The following S100B variants were observed in gnomAD, a reference collection of about 807,000 sequenced individuals.
The protein encoded by S100B is protein S100-B.
A neutral mutation model predicts 7.7 loss-of-function variants in S100B; 6 were observed. The ratio of observed to expected loss-of-function variants is 0.78; its 90% CI spans 0.43 to 1.54. The LOEUF (loss-of-function observed/expected upper bound fraction) is 1.54, where lower values mean the gene tolerates loss of function less well. Ranked by LOEUF, S100B falls within the 40% of genes most tolerant of loss-of-function variation. The pLI is 0.01. For synonymous variants in S100B, 36 were observed against 40.4 expected, an observed-to-expected ratio of 0.89 and a Z score of 0.41; for missense variants, 99 against 111.8, an observed-to-expected ratio of 0.89 and a Z score of 0.52.
chr21:46,599,558 T>C, intron 2 of S100B, 55 bp from the exon 3 acceptor site: 1 of 1,515,116 alleles, frequency 6.6e-7, no homozygotes, highest in South Asian at 1.1e-5. Flanking sequence ...TTTTGGACCA[T>C]CAAAACATGA....
chr21:46,601,218 G>A (rs548065049), intron 2 of S100B, among the ~76,000 whole-genome samples: 21 of 152,246 alleles, frequency 1.4e-4, no homozygotes, highest in Admixed American at 3.3e-4. Context: ...GCAGCTCCCC[G>A]TCCCCATGCA....
intron 1 of S100B, among the ~76,000 whole-genome samples, chr21:46,603,392 A>AGGGGGTGGGGGGAGGGGGGGGCGGGGGTG (rs796474856): frequency 2.6e-5 from 1 of 38,206 alleles, no homozygotes; most frequent in African/African-American, 1.0e-4. Flanking sequence ...GGACGGCGGG[A>AGGGGGTGGGGGGAGGGGGGGGCGGGGGTG]GGGGGTGGGG....
At chr21:46,602,746 C>T (rs1328356401) in intron 1 of S100B, 1 of 215,788 alleles carries the variant, frequency 4.6e-6, no homozygotes, top group African/African-American at 2.3e-5. Flanking sequence ...CAAGGGAATT[C>T]AGGGATTAAT....
intron 1 of S100B, among the ~76,000 whole-genome samples, chr21:46,603,388 C>CGGGAGGGGGCGGG (rs1382668101): frequency 7.8e-4 from 1 of 1,280 alleles, no homozygotes; most frequent in African/African-American, 4.7e-3. Flanking sequence ...ACTGGGACGG[C>CGGGAGGGGGCGGG]GGGAGGGGGT....
Position 46,599,407 on chromosome 21 carries a change from C to T in S100B, c.235G>A (p.Ala79Thr), listed in dbSNP as rs2061035425. ...TCGTGGCAGGCAGTAGTAACCATGG[C>T]AACAAAGGCCATGAATTCCTGGAAG... Reference protein sequence around the residue: ...CDFQEFMAFVAMVTTACHEFF... With the variant: ...CDFQEFMAFVTMVTTACHEFF... Residue 79 changes from alanine to threonine, a missense_variant, in exon 3 of 3, where the codon GCC becomes ACC. Ala to Thr is a moderately conservative substitution (Grantham distance 58). Transcript: ENST00000291700. The T allele has an allele frequency of 6.2e-7, 1 of 1,614,034 alleles. No individual in the cohort carries two copies. Among genetic ancestry groups the T allele is most frequent in the Non-Finnish European group, 8.5e-7 (1 of 1,179,912 alleles).
chr21:46,604,378 G>A (rs2061051599), intron 1 of S100B, among the ~76,000 whole-genome samples: 1 of 152,190 alleles, frequency 6.6e-6, no homozygotes, highest in African/African-American at 2.4e-5. Context: ...CCTAGCGTGT[G>A]AGGATCCCTC....
In S100B at chr21:46,599,429, G is replaced by A. The variant is rs749036867; in HGVS notation, c.213C>T (p.Phe71=). ...TGGCAACAAAGGCCATGAATTCCTGGAAGTCACATTCGCCGTCTCCATCAT... is the reference window on the plus strand; with the variant it reads ...TGGCAACAAAGGCCATGAATTCCTGAAAGTCACATTCGCCGTCTCCATCAT... ...LDNDGDGECD[F]QEFMAFVAMV... is the part of the protein sequence containing the mutation. The change falls in exon 3 of 3, where the codon TTC becomes TTT. Residue 71 remains phenylalanine, a synonymous_variant. Transcript: ENST00000291700. 1.9e-6 allele frequency: 3 copies of A among 1,613,862 alleles called. No individual in the cohort carries two copies. Among genetic ancestry groups the A allele is most frequent in the Non-Finnish European group, 2.5e-6 (3 of 1,179,778 alleles).
intron 1 of S100B, among the ~76,000 whole-genome samples, chr21:46,604,376 G>A (rs918218061): frequency 2.0e-5 from 3 of 152,206 alleles, no homozygotes; most frequent in African/African-American, 7.2e-5. Context: ...TACCTAGCGT[G>A]TGAGGATCCC....
chr21:46,603,473 C>T (rs985448618), intron 1 of S100B, among the ~76,000 whole-genome samples: 5 of 151,920 alleles, frequency 3.3e-5, no homozygotes, highest in Non-Finnish European at 7.4e-5. Context: ...AAGTACCTTA[C>T]GCCACAGCCT....
Position 46,599,163 on chromosome 21 carries a change from T to C in S100B, c.*200A>G. The C allele has an allele frequency of 1.7e-6, 1 of 597,052 alleles. No homozygotes were observed. Among genetic ancestry groups the C allele is most frequent in the Non-Finnish European group, 2.9e-6 (1 of 339,518 alleles). 37.0% of individuals were successfully genotyped at this position (597,052 alleles called of 1,614,324 possible). A position where few individuals can be genotyped will look rare whatever the true frequency, so the allele number is the denominator to read the frequency against. On this transcript the variant is annotated 3_prime_UTR_variant, in exon 3 of 3. Coordinates refer to ENST00000291700, the MANE Select transcript of S100B (RefSeq NM_006272.3). ...CCAGTCAGCTTACACACAGGCCTAA[T>C]ATAGCAGAAAGAATGATGCAGGCCG...
chr21:46,603,360 G>A (rs1750992276), intron 1 of S100B, among the ~76,000 whole-genome samples: 2 of 110,560 alleles, frequency 1.8e-5, no homozygotes, highest in Non-Finnish European at 3.8e-5. Context: ...CCGAAAGGGT[G>A]GCTCATTCAC....
intron 2 of S100B, 25 bp from the exon 3 acceptor site, chr21:46,599,528 G>C: frequency 1.2e-6 from 2 of 1,611,876 alleles, no homozygotes; most frequent in Non-Finnish European, 1.7e-6. Flanking sequence ...AGGAGTTGCC[G>C]ACCTTGTTTT....
chr21:46,600,381 A>G (rs934485438), intron 2 of S100B: 1 of 443,392 alleles, frequency 2.3e-6, no homozygotes, highest in Non-Finnish European at 4.5e-6. Context: ...CATCTCTACA[A>G]AGAAAAAATA....
chr21:46,599,389 A>G lies in S100B; in HGVS notation c.253T>C (p.Cys85Arg). Reference sequence around the variant, plus strand: ...CACTCATGTTCAAAGAACTCGTGGCAGGCAGTAGTAACCATGGCAACAAAG... The same window carrying G: ...CACTCATGTTCAAAGAACTCGTGGCGGGCAGTAGTAACCATGGCAACAAAG... Reference protein sequence around the residue: ...MAFVAMVTTACHEFFEHE With the variant: ...MAFVAMVTTARHEFFEHE Residue 85 changes from cysteine (C) to arginine (R), a missense_variant, in exon 3 of 3, where the codon TGC becomes CGC. Physicochemically the swap from Cys to Arg is radical, Grantham distance 180. Coordinates refer to ENST00000291700, the MANE Select transcript of S100B (RefSeq NM_006272.3). 6 of 1,614,000 alleles carry G rather than the reference A, an allele frequency of 3.7e-6. 1 individual carries two copies. The highest frequency in any genetic ancestry group is 5.1e-6 in the Non-Finnish European group (6 of 1,179,940).
At chr21:46,600,201 T>C (rs950831974) in intron 2 of S100B, 39 of 296,398 alleles carry the variant, frequency 1.3e-4, no homozygotes, top group Non-Finnish European at 2.0e-4. Flanking sequence ...ATAGGAAGGC[T>C]TGGCCTGAAG....
At chr21:46,599,701 G>C (rs2061036252) in intron 2 of S100B, among the ~76,000 whole-genome samples, 198 bp from the exon 3 acceptor site, 1 of 151,990 alleles carries the variant, frequency 6.6e-6, no homozygotes, top group Non-Finnish European at 1.5e-5. Context: ...TCAGTGTCTG[G>C]CCCTGAGCTA....
intron 1 of S100B, among the ~76,000 whole-genome samples, chr21:46,603,804 ATT>A: frequency 6.6e-6 from 1 of 152,350 alleles, no homozygotes; most frequent in South Asian, 2.1e-4. Flanking sequence ...TGCTAAAGTC[ATT>A]CTATTAATAA....
At chr21:46,603,392 A>AGGGGGACGGCGGGAGGGGGGGGCGGG (rs1555923741) in intron 1 of S100B, among the ~76,000 whole-genome samples, 1 of 38,206 alleles carries the variant, frequency 2.6e-5, no homozygotes, top group African/African-American at 1.0e-4. Context: ...GGACGGCGGG[A>AGGGGGACGGCGGGAGGGGGGGGCGGG]GGGGGTGGGG....
chr21:46,602,510 G>A (rs2061044340), intron 1 of S100B, 94 bp from the exon 2 acceptor site: 6 of 1,291,198 alleles, frequency 4.6e-6, no homozygotes, highest in Non-Finnish European at 6.4e-6. Context: ...CAGACAAGGG[G>A]GATGGAATGG....
Sources: gnomAD v4.1 joint callset for allele counts (sites outside exome capture counted in the v4.1 genomes callset) on GRCh38, gnomAD v4.1.1 for gene constraint, MANE v1.5 for transcripts, NCBI Gene and HGNC (gene_info 2026-07-23, HGNC 2026-07-21) for gene names.